SI: variants seen among roughly 807,000 people sequenced by gnomAD.
The protein encoded by SI is sucrase-isomaltase.
Under a neutral mutation model 253.3 loss-of-function variants are expected in SI, and 235 were observed. The ratio of observed to expected loss-of-function variants is 0.93; its 90% CI spans 0.83 to 1.03. SI has a LOEUF of 1.03. SI is among the 50% of genes least tolerant of loss of function. The pLI is 0.00. For synonymous variants in SI, 819 were observed against 712.0 expected (o/e 1.15, Z -2.39); for missense variants, 2,442 against 2,211.1 (o/e 1.10, Z -2.09).
intron 38 of SI, among the ~76,000 whole-genome samples, chr3:164,997,350 G>T (rs899140963): frequency 3.3e-5 from 5 of 151,316 alleles, no homozygotes; most frequent in African/African-American, 1.2e-4. Context: ...GAGCACAAAA[G>T]TATCTATTTC....
intron 11 of SI, 38 bp from the exon 12 acceptor site, chr3:165,059,120 T>TTA: frequency 6.4e-7 from 1 of 1,556,986 alleles, no homozygotes; most frequent in Non-Finnish European, 8.7e-7. Context: ...ATCTATTAAC[T>TTA]TACACGTGTA....
intron 44 of SI, among the ~76,000 whole-genome samples, chr3:164,990,459 G>A (rs185241595): frequency 6.6e-6 from 1 of 152,100 alleles, no homozygotes; most frequent in Non-Finnish European, 1.5e-5. Context: ...TACTTTAAGA[G>A]GGAATATCCT....
chr3:164,989,389 G>GAAGGAAGAAAGA (rs1423338292), intron 44 of SI, among the ~76,000 whole-genome samples: 1 of 59,428 alleles, frequency 1.7e-5, no homozygotes, highest in Admixed American at 2.2e-4. Flanking sequence ...AGAAAGAAAG[G>GAAGGAAGAAAGA]AAGAAAGAAA....
Position 165,036,421 on chromosome 3 carries a change from C to T in SI, c.2483G>A (p.Gly828Glu), listed in dbSNP as rs748638688. The T allele has an allele frequency of 3.0e-5, 49 of 1,611,448 alleles. No homozygotes were observed. Among genetic ancestry groups the T allele is most frequent in the Admixed American group, 6.7e-5 (4 of 59,750 alleles). ...VALGENNTAK[G>E]DFFWDDGETK... is the part of the protein sequence containing the mutation. ...TTCTCCATCATCCCAGAAAAAGTCT[C>T]CTTTGGCTGTGTTGTTTTCACCTAA... Residue 828 changes from glycine to glutamate, a missense_variant, in exon 22 of 48, where the codon GGA becomes GAA. By Grantham distance (98) the Gly-to-Glu change is moderately conservative. Transcript: ENST00000264382.
chr3:165,036,450 G>A lies in SI; in HGVS notation c.2454C>T (p.Val818=), dbSNP rs746872062. ...ASRKNPLGLI[V]ALGENNTAKG... ...TGGCTGTGTTGTTTTCACCTAATGC[G>A]ACTATAAGTCCTAGAGGATTCTTAC... The change falls in exon 22 of 48, where the codon GTC becomes GTT. Residue 818 remains valine (V), a synonymous_variant. Coordinates refer to ENST00000264382, the MANE Select transcript of SI (RefSeq NM_001041.4). The A allele has an allele frequency of 1.1e-5, 17 of 1,610,996 alleles. No individual in the cohort carries two copies. The highest frequency in any genetic ancestry group is 1.7e-4 in the Middle Eastern group (1 of 6,046).
At position 165,049,806 on chromosome 3, in the gene SI, G is replaced by A. The variant is rs1261181745; in HGVS notation, c.1582C>T (p.Pro528Ser). 1 of 1,596,902 alleles carries A rather than the reference G, an allele frequency of 6.3e-7. No individual in the cohort carries two copies. The highest frequency in any genetic ancestry group is 2.2e-5 in the East Asian group (1 of 44,516). The change falls in exon 14 of 48, where the codon CCA (proline) becomes TCA (serine). Residue 528 changes from proline (P) to serine (S), a missense_variant. By Grantham distance (74) the Pro-to-Ser change is moderately conservative. Coordinates refer to ENST00000264382, the MANE Select transcript of SI (RefSeq NM_001041.4). ...KGCNVNKLNYPPFTPDILDKL... is the reference protein window; with the variant it reads ...KGCNVNKLNYSPFTPDILDKL... ...TAAATTTTACCAGGAGTAAACGGTG[G>A]ATAATTCAATTTGTTTACATTACAT...
upstream of SI, among the ~76,000 whole-genome samples, chr3:165,082,825 C>A (rs549674344): frequency 6.6e-6 from 1 of 152,012 alleles, no homozygotes; most frequent in East Asian, 1.9e-4. Context: ...ATACAGAACT[C>A]AAATGTGGTC....
rs766046374 is a variant in SI at position 165,006,962 on chromosome 3, G to T, written c.4268-8C>A. 3.0e-5 allele frequency: 48 copies of T among 1,585,390 alleles called. No homozygotes were observed. Among genetic ancestry groups the T allele is most frequent in the Non-Finnish European group, 3.7e-5 (43 of 1,158,256 alleles). ...CAGTTCTTTTTGTGAGTTCTGGAAAGAATCAATGAAAAAATATTAATATAT... is the reference window on the plus strand; with the variant it reads ...CAGTTCTTTTTGTGAGTTCTGGAAATAATCAATGAAAAAATATTAATATAT... On this transcript the variant is annotated splice_polypyrimidine_tract_variant and splice_region_variant and intron_variant, in intron 36 of 47. Coordinates refer to ENST00000264382, the MANE Select transcript of SI (RefSeq NM_001041.4).
At chr3:164,999,674 C>G (rs1718173124) in intron 37 of SI, among the ~76,000 whole-genome samples, 1 of 151,564 alleles carries the variant, frequency 6.6e-6, no homozygotes, top group Non-Finnish European at 1.5e-5. Flanking sequence ...CCTTGAGATT[C>G]CTAAAATCAA....
chr3:165,029,327 T>C (rs540358920), intron 25 of SI, among the ~76,000 whole-genome samples: 1 of 150,940 alleles, frequency 6.6e-6, no homozygotes, highest in African/African-American at 2.4e-5. Context: ...TCTACACTGA[T>C]AGTGGGAATG....
chr3:165,032,943 T>A (rs1415177672), intron 23 of SI, among the ~76,000 whole-genome samples: 1 of 151,452 alleles, frequency 6.6e-6, no homozygotes, highest in Non-Finnish European at 1.5e-5. Context: ...ATTCTAGTCC[T>A]AACATTGATG....
At chr3:164,988,025 T>C (rs931277567) in intron 44 of SI, among the ~76,000 whole-genome samples, 2 of 152,192 alleles carry the variant, frequency 1.3e-5, no homozygotes, top group East Asian at 1.9e-4. Flanking sequence ...ATCTCTGTAA[T>C]AGAGAATACC....
intron 1 of SI, 140 bp from the exon 2 acceptor site, chr3:165,076,152 A>T: frequency 5.5e-6 from 3 of 544,928 alleles, no homozygotes; most frequent in Non-Finnish European, 8.8e-6. Flanking sequence ...TAATATCCTA[A>T]ATTAAGCACT....
intron 45 of SI, among the ~76,000 whole-genome samples, chr3:164,983,313 A>C (rs1317963000): frequency 6.6e-6 from 1 of 152,166 alleles, no homozygotes. Context: ...AAACAGTAAC[A>C]GGTTTAAAAT....
At chr3:164,979,957 C>T (rs1717102235) in intron 47 of SI, among the ~76,000 whole-genome samples, 1 of 151,784 alleles carries the variant, frequency 6.6e-6, no homozygotes, top group African/African-American at 2.4e-5. Context: ...AGATTATTAT[C>T]TCTATCATGG....
chr3:165,032,831 A>G (rs1712323772), intron 23 of SI, 139 bp from the exon 24 acceptor site: 1 of 572,190 alleles, frequency 1.7e-6, no homozygotes, highest in Non-Finnish European at 3.1e-6. Context: ...AGTAGCACAT[A>G]GAAATATACT....
intron 34 of SI, among the ~76,000 whole-genome samples, chr3:165,009,679 A>AT (rs1412359396): frequency 5.3e-5 from 8 of 152,242 alleles, no homozygotes; most frequent in Admixed American, 2.0e-4. Flanking sequence ...TCCTAGAGTA[A>AT]TGGGGAAGCT....
intron 7 of SI, among the ~76,000 whole-genome samples, chr3:165,064,999 A>T (rs2108257993): frequency 6.6e-6 from 1 of 152,120 alleles, no homozygotes; most frequent in South Asian, 2.1e-4. Context: ...AAAAGGAATA[A>T]TAAAATACGA....
chr3:165,074,798 C>T (rs1174413525), intron 2 of SI, 131 bp from the exon 3 acceptor site: 2 of 761,774 alleles, frequency 2.6e-6, no homozygotes, highest in Non-Finnish European at 4.2e-6. Flanking sequence ...ATAAATTTTG[C>T]ATTTAAAAAG....
Sources: allele counts gnomAD v4.1 joint callset (sites outside exome capture counted in the v4.1 genomes callset), GRCh38; gene constraint gnomAD v4.1.1; transcripts MANE v1.5; gene names NCBI Gene and HGNC (gene_info 2026-07-23, HGNC 2026-07-21).